Variants in TMEM178B observed in about 807,000 individuals in gnomAD.
The protein encoded by TMEM178B is transmembrane protein 178B.
In TMEM178B, 5 loss-of-function variants were observed where a neutral mutation model predicts 31.0. The ratio of observed to expected loss-of-function variants is 0.16; its 90% CI spans 0.08 to 0.34. TMEM178B has a LOEUF of 0.34. Ranked by LOEUF, TMEM178B falls within the 10% of genes least tolerant of loss-of-function variation. The pLI, the probability that TMEM178B is intolerant of heterozygous loss-of-function variation, is 1.00. For missense variants in TMEM178B, 275 were observed against 400.3 expected, an observed-to-expected ratio of 0.69 and a Z score of 2.67; for synonymous variants, 164 against 164.0, an observed-to-expected ratio of 1.00 and a Z score of 0.00.
chr7:141,370,173 GA>G (rs1162629188), intron 2 of TMEM178B, among the ~76,000 whole-genome samples: 1 of 152,102 alleles, frequency 6.6e-6, no homozygotes, highest in Admixed American at 6.5e-5. Context: ...GCAGCAGAGA[GA>G]AAAGGAATGG....
intron 3 of TMEM178B, among the ~76,000 whole-genome samples, chr7:141,446,496 T>G (rs1801760978): frequency 6.6e-6 from 1 of 152,196 alleles, no homozygotes; most frequent in African/African-American, 2.4e-5. Flanking sequence ...GGTGAAGGCA[T>G]CTCAGAGAGT....
At chr7:141,358,189 T>C (rs1164449724) in intron 2 of TMEM178B, among the ~76,000 whole-genome samples, 1 of 152,178 alleles carries the variant, frequency 6.6e-6, no homozygotes, top group Non-Finnish European at 1.5e-5. Flanking sequence ...ACTGGCCTGG[T>C]ATCCTCAGGA....
chr7:141,498,842 AC>A, the TMEM178B span, among the ~76,000 whole-genome samples: 1 of 152,228 alleles, frequency 6.6e-6, no homozygotes, highest in Non-Finnish European at 1.5e-5. Context: ...AAGAACTTGT[AC>A]TATAGTCTCA....
intron 2 of TMEM178B, among the ~76,000 whole-genome samples, chr7:141,419,972 T>A (rs1320000618): frequency 6.6e-6 from 1 of 152,224 alleles, no homozygotes. Context: ...AGCAGACTCC[T>A]GCCTCAGTGC....
At chr7:141,149,518 A>G (rs942957466) in intron 1 of TMEM178B, among the ~76,000 whole-genome samples, 4 of 152,202 alleles carry the variant, frequency 2.6e-5, no homozygotes, top group Non-Finnish European at 5.9e-5. Flanking sequence ...ACTGCACTCC[A>G]GCCTGGGTAA....
At chr7:141,250,103 T>C (rs1797805996) in intron 2 of TMEM178B, among the ~76,000 whole-genome samples, 3 of 152,198 alleles carry the variant, frequency 2.0e-5, no homozygotes, top group Non-Finnish European at 2.9e-5. Flanking sequence ...GCAGCTGCTG[T>C]ATTCCTGGCA....
intron 2 of TMEM178B, among the ~76,000 whole-genome samples, chr7:141,390,095 A>C (rs892823891): frequency 2.6e-5 from 4 of 152,068 alleles, no homozygotes; most frequent in African/African-American, 9.7e-5. Flanking sequence ...ATTTCCTCTC[A>C]GGTTAAAATT....
intron 2 of TMEM178B, among the ~76,000 whole-genome samples, chr7:141,232,890 A>G (rs1294328285): frequency 6.6e-6 from 1 of 152,176 alleles, no homozygotes; most frequent in Admixed American, 6.5e-5. Context: ...GAGATTAGTA[A>G]TGGAGGCACC....
rs527832014 is a variant in TMEM178B, at chr7:141,444,990, C to A, written c.634+7245C>A. On this transcript the variant is annotated intron_variant, in intron 3 of 3. Transcript: ENST00000565468. ...GCACAAAGGGGCATATGGAGGAGAC[C>A]GCGGCCAGAACCAAGGGCACGGGTG... Among the ~76,000 whole-genome samples the A allele has an allele frequency of 3.9e-5, 6 of 152,004 alleles. No homozygotes were observed. In the East Asian group the frequency reaches 1.2e-3, roughly 29 times the overall value.
intron 1 of TMEM178B, among the ~76,000 whole-genome samples, chr7:141,211,768 G>T (rs1321447410): frequency 1.3e-5 from 2 of 152,184 alleles, no homozygotes; most frequent in African/African-American, 2.4e-5. Flanking sequence ...CAAGGCAGTG[G>T]TTCTCAAACT....
At chr7:141,164,888 A>G (rs1436963376) in intron 1 of TMEM178B, among the ~76,000 whole-genome samples, 2 of 152,150 alleles carry the variant, frequency 1.3e-5, no homozygotes, top group Admixed American at 6.5e-5. Flanking sequence ...TCATGGATCA[A>G]TAGGGCTGCT....
At position 141,475,385 on chromosome 7, in the gene TMEM178B, T is replaced by TG. The variant is rs1179950815; in HGVS notation, c.*4600dup. ...AACATTATTCCTGGTTCTTAGAATA[T>TG]GTGATTACTGAGTATTGGATTTCTT... On this transcript the variant is annotated 3_prime_UTR_variant, in exon 4 of 4. Transcript: ENST00000565468. 9 of 152,222 alleles carry TG rather than the reference T, an allele frequency of 5.9e-5. No individual in the cohort carries two copies. The highest frequency in any genetic ancestry group is 2.6e-4 in the Admixed American group (4 of 15,286). The allele number at this position is 152,222 out of a possible 1,614,324, so 9.4% of individuals were successfully genotyped here. A position where few individuals can be genotyped will look rare whatever the true frequency, so the allele number is the denominator to read the frequency against.
chr7:141,211,682 G>A (rs752620939), intron 1 of TMEM178B, among the ~76,000 whole-genome samples: 8 of 152,214 alleles, frequency 5.3e-5, no homozygotes, highest in Non-Finnish European at 8.8e-5. Context: ...GCTCCCCACC[G>A]TGCCTTCCTT....
At chr7:141,100,192 C>T (rs1586768026) in intron 1 of TMEM178B, among the ~76,000 whole-genome samples, 1 of 152,064 alleles carries the variant, frequency 6.6e-6, no homozygotes, top group African/African-American at 2.4e-5. Flanking sequence ...TTCTCAGACC[C>T]CACATCTGTA....
At chr7:141,245,024 C>T (rs7805837) in intron 2 of TMEM178B, among the ~76,000 whole-genome samples, 19 of 151,286 alleles carry the variant, frequency 1.3e-4, no homozygotes, top group African/African-American at 4.4e-4. Flanking sequence ...GTAATCCCAG[C>T]TACTCGGGAG....
chr7:141,360,112 C>A (rs559395535), intron 2 of TMEM178B, among the ~76,000 whole-genome samples: 3 of 152,306 alleles, frequency 2.0e-5, no homozygotes, highest in African/African-American at 7.2e-5. Flanking sequence ...CATATCATCA[C>A]CCCACTCTGA....
intron 2 of TMEM178B, among the ~76,000 whole-genome samples, chr7:141,220,818 G>A (rs1487131193): frequency 6.6e-6 from 1 of 152,182 alleles, no homozygotes. Flanking sequence ...CCCACTGTCC[G>A]CCTTCATCCA....
intron 2 of TMEM178B, among the ~76,000 whole-genome samples, chr7:141,363,838 C>T (rs1022239452): frequency 2.0e-5 from 3 of 151,330 alleles, no homozygotes; most frequent in South Asian, 4.2e-4. Flanking sequence ...TGTAGTGAGC[C>T]GTGATTGCGC....
Position 141,344,579 on chromosome 7 carries a change from CCTTCCT to C in TMEM178B, c.497-93028_497-93023del, listed in dbSNP as rs1799578589. On this transcript the variant is annotated intron_variant, in intron 2 of 3. Transcript: ENST00000565468. This position sits in a 1 kb window ranked among gnomAD's most constrained non-coding sequence, Gnocchi z 4.1. ...TCCCTCCATTCCTCCCTCCTCCCTT[CCTTCCT>C]TCCTTCCTTCCTTCCTTCCTTCCTT... Among the ~76,000 whole-genome samples the C allele has an allele frequency of 6.8e-5, 1 of 14,758 alleles. No homozygotes were observed. Among genetic ancestry groups the C allele is most frequent in the Non-Finnish European group, 1.7e-4 (1 of 5,800 alleles). 9.7% of individuals were successfully genotyped at this position (14,758 alleles called of 152,430 possible). A position where few individuals can be genotyped will look rare whatever the true frequency, so the allele number is the denominator to read the frequency against.
Sources: gnomAD v4.1 joint callset for allele counts (sites outside exome capture counted in the v4.1 genomes callset) on GRCh38, gnomAD v4.1.1 for gene constraint, Gnocchi (gnomAD v3.1) non-coding constraint, MANE v1.5 for transcripts, NCBI Gene and HGNC (gene_info 2026-07-23, HGNC 2026-07-21) for gene names.